Variants in ADGRB3 observed in about 807,000 individuals in gnomAD.
ADGRB3 encodes the protein adhesion G protein-coupled receptor B3, also known as brain-specific angiogenesis inhibitor 3.
ADGRB3 carries 37 observed loss-of-function variants against 193.4 expected under a neutral mutation model. The ratio of observed to expected loss-of-function variants is 0.19; its 90% CI spans 0.15 to 0.25. The LOEUF (loss-of-function observed/expected upper bound fraction) is 0.25. Among genes scored for constraint, ADGRB3 ranks in the 10% least tolerant of loss-of-function variants. The pLI is 1.00. For synonymous variants in ADGRB3, 690 were observed against 644.2 expected, an observed-to-expected ratio of 1.07 and a Z score of -1.08; for missense variants, 1,637 against 1,852.9, an observed-to-expected ratio of 0.88 and a Z score of 2.14.
At chr6:68,764,072 A>G (rs1766464041) in intron 3 of ADGRB3, among the ~76,000 whole-genome samples, 1 of 152,172 alleles carries the variant, frequency 6.6e-6, no homozygotes, top group South Asian at 2.1e-4. Flanking sequence ...ACCCTGCCTC[A>G]AATACATACA....
In ADGRB3 at chr6:69,116,012, G is replaced by A. The variant is rs116029017; in HGVS notation, c.2480+39974G>A. Among the ~76,000 whole-genome samples, 947 of 152,246 alleles carry A rather than the reference G, an allele frequency of 6.2e-3. 7 individuals carry two copies. The highest frequency in any genetic ancestry group is 0.021 in the African/African-American group (874 of 41,540). On this transcript the variant is annotated intron_variant, in intron 17 of 31. Transcript: ENST00000370598. ...CTGAATTTGTAGAGTAGGCTATCGA[G>A]CAGGGCATTCAGGTAAGAGTTGAAG...
At chr6:69,117,535 T>C (rs1330822989) in intron 17 of ADGRB3, among the ~76,000 whole-genome samples, 2 of 152,212 alleles carry the variant, frequency 1.3e-5, no homozygotes, top group Non-Finnish European at 2.9e-5. Flanking sequence ...CAGAGCCATA[T>C]TATAGTAAGC....
At chr6:69,058,248 T>C (rs1349794229) in intron 15 of ADGRB3, among the ~76,000 whole-genome samples, 1 of 151,968 alleles carries the variant, frequency 6.6e-6, no homozygotes, top group Non-Finnish European at 1.5e-5. Flanking sequence ...TAGCTGTCTC[T>C]TATGATACTA....
chr6:68,756,015 C>T (rs1015319580), intron 3 of ADGRB3, among the ~76,000 whole-genome samples: 2 of 151,980 alleles, frequency 1.3e-5, no homozygotes, highest in African/African-American at 4.8e-5. Context: ...TTTCCAGGCC[C>T]TATTAGGAAG....
chr6:69,339,188 T>A (rs1427699378), intron 25 of ADGRB3, 145 bp from the exon 26 acceptor site: 6 of 1,098,308 alleles, frequency 5.5e-6, no homozygotes, highest in Non-Finnish European at 5.2e-6. Flanking sequence ...AAAAAAAAAA[T>A]AAGACTCTCA....
intron 9 of ADGRB3, among the ~76,000 whole-genome samples, 173 bp downstream of exon 9, chr6:68,975,037 T>TA (rs1428876380): frequency 2.6e-5 from 4 of 152,176 alleles, no homozygotes; most frequent in Non-Finnish European, 5.9e-5. Flanking sequence ...AATGAAGAGA[T>TA]ATAGAAAATA....
intron 20 of ADGRB3, among the ~76,000 whole-genome samples, chr6:69,277,920 A>G (rs762807269): frequency 2.6e-5 from 4 of 152,200 alleles, no homozygotes; most frequent in African/African-American, 4.8e-5. Context: ...TATCTGGCAC[A>G]TGGTAAGAAC....
At chr6:68,918,537 C>G (rs1373853119) in intron 3 of ADGRB3, among the ~76,000 whole-genome samples, 1 of 152,208 alleles carries the variant, frequency 6.6e-6, no homozygotes, top group Non-Finnish European at 1.5e-5. Context: ...CCCAAATTCT[C>G]TAGCCTTCCA....
At position 68,729,817 on chromosome 6, in the gene ADGRB3, A is replaced by G. The variant is rs372736945; in HGVS notation, c.757+90385A>G. ...ATTGATTCCCCATTTACAAAGACACATTTTTTTCCTATATTCTTACACTGT... is the reference window on the plus strand; with the variant it reads ...ATTGATTCCCCATTTACAAAGACACGTTTTTTTCCTATATTCTTACACTGT... On this transcript the variant is annotated intron_variant, in intron 3 of 31. Transcript: ENST00000370598. 1.6e-3 allele frequency among the ~76,000 whole-genome samples: 236 copies of G among 151,620 alleles called. 3 individuals carry two copies. Among genetic ancestry groups the G allele is most frequent in the African/African-American group, 5.4e-3 (223 of 41,458 alleles).
At chr6:69,145,304 G>A (rs1214027025) in intron 17 of ADGRB3, among the ~76,000 whole-genome samples, 1 of 152,204 alleles carries the variant, frequency 6.6e-6, no homozygotes, top group Non-Finnish European at 1.5e-5. Context: ...TGGTATGGGT[G>A]CCGGCTCCCT....
chr6:69,069,662 C>G (rs1483960731), intron 16 of ADGRB3, among the ~76,000 whole-genome samples: 1 of 126,296 alleles, frequency 7.9e-6, no homozygotes, highest in East Asian at 2.3e-4. Flanking sequence ...ACTCAGAGGA[C>G]AGAGGTTGCA....
chr6:69,090,645 A>G lies in ADGRB3; in HGVS notation c.2480+14607A>G, dbSNP rs188291866. Among the ~76,000 whole-genome samples the G allele has an allele frequency of 4.0e-3, 608 of 152,320 alleles. 2 individuals are homozygous for G. Among genetic ancestry groups the G allele is most frequent in the Non-Finnish European group, 5.3e-3 (360 of 68,024 alleles). ...TATAGGACTTGTAATCTGTAGGGGAAATGTTAGATATGCGGCCACAAAGTC... is the reference window on the plus strand; with the variant it reads ...TATAGGACTTGTAATCTGTAGGGGAGATGTTAGATATGCGGCCACAAAGTC... On this transcript the variant is annotated intron_variant, in intron 17 of 31. Coordinates refer to ENST00000370598, the MANE Select transcript of ADGRB3 (RefSeq NM_001704.3).
At chr6:69,194,930 A>G (rs1765266068) in intron 17 of ADGRB3, among the ~76,000 whole-genome samples, 1 of 152,178 alleles carries the variant, frequency 6.6e-6, no homozygotes, top group South Asian at 2.1e-4. Flanking sequence ...TATAGCAAGC[A>G]TTCAATAAAT....
At chr6:68,879,795 G>T (rs987677149) in intron 3 of ADGRB3, among the ~76,000 whole-genome samples, 1 of 152,124 alleles carries the variant, frequency 6.6e-6, no homozygotes, top group Non-Finnish European at 1.5e-5. Flanking sequence ...ACCAAGGAGG[G>T]CAGAGTTACT....
intron 3 of ADGRB3, among the ~76,000 whole-genome samples, chr6:68,918,517 T>C (rs1299153473): frequency 6.6e-6 from 1 of 152,234 alleles, no homozygotes; most frequent in Non-Finnish European, 1.5e-5. Flanking sequence ...AGCATTGTCA[T>C]CAAGGTGCTC....
chr6:68,661,805 G>A (rs1405706462), intron 3 of ADGRB3, among the ~76,000 whole-genome samples: 1 of 150,746 alleles, frequency 6.6e-6, no homozygotes, highest in Non-Finnish European at 1.5e-5. Flanking sequence ...ATTTAAGCTA[G>A]CAAAATTAGA....
rs1415288238 is a variant in ADGRB3 at position 69,389,319 on chromosome 6, ATGTT to A, written c.*433_*436del. ...AAGCAAAGTTTTTGTCATTAAATGAATGTTTGTTGAGCTACATTCTTCATTGCTT... is the reference window on the plus strand; with the variant it reads ...AAGCAAAGTTTTTGTCATTAAATGAATGTTGAGCTACATTCTTCATTGCTT... On this transcript the variant is annotated 3_prime_UTR_variant, in exon 32 of 32. Transcript: ENST00000370598. 10 of 153,746 alleles carry A rather than the reference ATGTT, an allele frequency of 6.5e-5. No homozygotes were observed. The highest frequency in any genetic ancestry group is 4.5e-4 in the Admixed American group (7 of 15,468). The allele number at this position is 153,746 out of a possible 1,614,324, so 9.5% of individuals were successfully genotyped here.
chr6:69,130,735 A>T (rs981144277), intron 17 of ADGRB3, among the ~76,000 whole-genome samples: 1 of 151,750 alleles, frequency 6.6e-6, no homozygotes, highest in Non-Finnish European at 1.5e-5. Flanking sequence ...TGTAAACTTG[A>T]TTTAACAAAT....
chr6:69,057,100 A>G (rs1469197400), intron 15 of ADGRB3, among the ~76,000 whole-genome samples: 1 of 151,984 alleles, frequency 6.6e-6, no homozygotes, highest in East Asian at 1.9e-4. Flanking sequence ...TATAGTTTTC[A>G]ATGTATAACT....
Sources: gnomAD v4.1 joint callset for allele counts (sites outside exome capture counted in the v4.1 genomes callset) on GRCh38, gnomAD v4.1.1 for gene constraint, MANE v1.5 for transcripts, NCBI Gene and HGNC (gene_info 2026-07-23, HGNC 2026-07-21) for gene names.